Variants in TMEM232 observed in about 807,000 individuals in gnomAD.
TMEM232 encodes transmembrane protein 232.
Under a neutral mutation model 78.8 loss-of-function variants are expected in TMEM232, and 80 were observed. The observed-to-expected ratio is 1.01, with a 90% CI of 0.85 to 1.22. The LOEUF (loss-of-function observed/expected upper bound fraction) is 1.22. TMEM232 is among the 50% of genes most tolerant of loss of function. The probability of loss-of-function intolerance (pLI) is 0.00; values close to 1 mark genes in which losing one functional copy is unlikely to be tolerated. For synonymous variants in TMEM232, 297 were observed against 254.3 expected (o/e 1.17, Z -1.60); for missense variants, 881 against 742.2 (o/e 1.19, Z -2.17).
chr5:110,460,232 T>A (rs1761354125), intron 12 of TMEM232, among the ~76,000 whole-genome samples: 1 of 152,024 alleles, frequency 6.6e-6, no homozygotes, highest in Admixed American at 6.6e-5. Flanking sequence ...CACTGGGGTG[T>A]TAAGGGGAAA....
intron 8 of TMEM232, among the ~76,000 whole-genome samples, chr5:110,616,439 T>A (rs538134759): frequency 6.6e-6 from 1 of 152,030 alleles, no homozygotes; most frequent in African/African-American, 2.4e-5. Context: ...TCTACTTTAA[T>A]TATAAAATGA....
intron 1 of TMEM232, among the ~76,000 whole-genome samples, chr5:110,693,794 TG>T (rs1486473503): frequency 2.6e-5 from 4 of 151,990 alleles, no homozygotes; most frequent in Admixed American, 2.0e-4. Flanking sequence ...CCAAGAAATA[TG>T]GGACTATGTG....
intron 12 of TMEM232, among the ~76,000 whole-genome samples, chr5:110,472,800 C>T (rs754658611): frequency 5.9e-5 from 9 of 151,718 alleles, no homozygotes; most frequent in Non-Finnish European, 8.8e-5. Context: ...TTTTGCCAAA[C>T]GGGCCAAAAA....
At chr5:110,686,565 G>A (rs114178743) in intron 1 of TMEM232, among the ~76,000 whole-genome samples, 1 of 150,982 alleles carries the variant, frequency 6.6e-6, no homozygotes. Context: ...TGTGCGAGTT[G>A]ATAAAAAAAA....
chr5:110,672,164 G>A (rs1791441530), intron 1 of TMEM232, among the ~76,000 whole-genome samples: 1 of 152,132 alleles, frequency 6.6e-6, no homozygotes, highest in African/African-American at 2.4e-5. Context: ...GCTATAATTA[G>A]TAATATTTTT....
At position 110,390,449 on chromosome 5, in the gene TMEM232, G is replaced by C. The variant is rs147406646; in HGVS notation, n.582C>G. 13 of 152,328 alleles carry C rather than the reference G, an allele frequency of 8.5e-5. No individual in the cohort carries two copies. In the East Asian group the frequency reaches 2.3e-3, roughly 27 times the overall value. 9.4% of individuals were successfully genotyped at this position (152,328 alleles called of 1,614,324 possible). ...GGTGTCGCAGTCCAGCCGAAAATCA[G>C]ATCTTTTACATGGGAAAATCTGAGC... On this transcript the variant is annotated non_coding_transcript_exon_variant, in exon 4 of 9. Coordinates refer to the TMEM232 transcript ENST00000507188.
At chr5:110,412,137 A>G (rs896485517) in intron 2 of TMEM232, among the ~76,000 whole-genome samples, 3 of 152,196 alleles carry the variant, frequency 2.0e-5, no homozygotes, top group African/African-American at 7.2e-5. Flanking sequence ...ATATTAGTGT[A>G]TAGTGAGAAA....
chr5:110,425,660 G>T (rs1757148201), intron 12 of TMEM232, among the ~76,000 whole-genome samples: 1 of 151,948 alleles, frequency 6.6e-6, no homozygotes, highest in Admixed American at 6.6e-5. Context: ...ATCAGGTTCT[G>T]TTTGTCTATT....
At position 110,514,602 on chromosome 5, in the gene TMEM232, C is replaced by T. The variant is rs1029302007; in HGVS notation, c.1703+13986G>A. Among the ~76,000 whole-genome samples the T allele has an allele frequency of 9.3e-4, 142 of 151,956 alleles. 1 individual carries two copies. Among genetic ancestry groups the T allele is most frequent in the African/African-American group, 3.2e-3 (134 of 41,476 alleles). ...AGAAGTTAAGTAACTTACTTTAAATCAATCAGAAAAAAAACCTATAAAATA... is the reference window on the plus strand; with the variant it reads ...AGAAGTTAAGTAACTTACTTTAAATTAATCAGAAAAAAAACCTATAAAATA... On this transcript the variant is annotated intron_variant, in intron 12 of 13. Transcript: ENST00000455884.
intron 4 of TMEM232, among the ~76,000 whole-genome samples, 157 bp from the exon 5 acceptor site, chr5:110,638,512 G>T (rs371498562): frequency 6.6e-6 from 1 of 152,108 alleles, no homozygotes; most frequent in African/African-American, 2.4e-5. Context: ...TCATCAAGAG[G>T]TGATGTCTAT....
chr5:110,424,675 T>C (rs1757049168), intron 13 of TMEM232, 148 bp downstream of exon 13: 1 of 647,602 alleles, frequency 1.5e-6, no homozygotes, highest in Non-Finnish European at 2.6e-6. Flanking sequence ...GATAACATAG[T>C]GAGATATAAT....
chr5:110,629,855 A>C (rs978466393), intron 5 of TMEM232, among the ~76,000 whole-genome samples: 2 of 152,206 alleles, frequency 1.3e-5, no homozygotes, highest in African/African-American at 4.8e-5. Context: ...GTCAATCATT[A>C]AGAATATTGT....
At chr5:110,661,021 A>G (rs1191103854) in intron 2 of TMEM232, among the ~76,000 whole-genome samples, 1 of 152,140 alleles carries the variant, frequency 6.6e-6, no homozygotes, top group Non-Finnish European at 1.5e-5. Context: ...GGTAACCATC[A>G]TTCTACTCTC....
chr5:110,735,861 A>G (rs1419750543), intron 1 of TMEM232, among the ~76,000 whole-genome samples: 2 of 152,202 alleles, frequency 1.3e-5, no homozygotes, highest in Non-Finnish European at 2.9e-5. Flanking sequence ...TGAGTAAGAG[A>G]TCTTAGAAGG....
intron 1 of TMEM232, among the ~76,000 whole-genome samples, chr5:110,707,862 T>A (rs1350557894): frequency 6.6e-6 from 1 of 152,112 alleles, no homozygotes; most frequent in Non-Finnish European, 1.5e-5. Flanking sequence ...GTCATGAGGC[T>A]CCTGTTCCAG....
chr5:110,494,683 TA>T (rs894575906), intron 12 of TMEM232, among the ~76,000 whole-genome samples: 77 of 152,122 alleles, frequency 5.1e-4, no homozygotes, highest in African/African-American at 1.8e-3. Flanking sequence ...TAACAAAAAC[TA>T]AAAAGAAATC....
At position 110,461,053 on chromosome 5, in the gene TMEM232, T is replaced by A. The variant is rs1761469355; in HGVS notation, c.1704-36137A>T. Among the ~76,000 whole-genome samples, 5 of 152,160 alleles carry A rather than the reference T, an allele frequency of 3.3e-5. 1 individual carries two copies. In the South Asian group the frequency reaches 1.0e-3, roughly 32 times the overall value. On this transcript the variant is annotated intron_variant, in intron 12 of 13. Transcript: ENST00000455884. Reference sequence around the variant, plus strand: ...TAATAATCCCACAATGGCCTTTAAGTGTTTAAATGAAAGGAAGAGTCACAT... The same window carrying A: ...TAATAATCCCACAATGGCCTTTAAGAGTTTAAATGAAAGGAAGAGTCACAT...
chr5:110,717,624 T>A (rs956303762), intron 1 of TMEM232, among the ~76,000 whole-genome samples: 5 of 152,160 alleles, frequency 3.3e-5, no homozygotes, highest in African/African-American at 1.2e-4. Flanking sequence ...CCAAATCTCA[T>A]CTCGAATTGT....
intron 12 of TMEM232, among the ~76,000 whole-genome samples, chr5:110,520,013 G>A (rs1769261512): frequency 6.7e-6 from 1 of 149,956 alleles, no homozygotes. Flanking sequence ...AAAGAGAAGA[G>A]GGTTAATGGT....
Sources: allele counts gnomAD v4.1 joint callset (sites outside exome capture counted in the v4.1 genomes callset), GRCh38; gene constraint gnomAD v4.1.1; transcripts MANE v1.5; gene names NCBI Gene and HGNC (gene_info 2026-07-23, HGNC 2026-07-21).